NECTIN2: variants seen among roughly 807,000 people sequenced by gnomAD.
NECTIN2 encodes the protein nectin cell adhesion molecule 2.
NECTIN2 carries 23 observed loss-of-function variants against 56.9 expected under a neutral mutation model. The ratio of observed to expected loss-of-function variants is 0.40; its 90% CI spans 0.29 to 0.57. The LOEUF (loss-of-function observed/expected upper bound fraction) is 0.57. Ranked by LOEUF, NECTIN2 falls within the 20% of genes least tolerant of loss-of-function variation. NECTIN2 has a pLI of 0.38. For synonymous variants in NECTIN2, 302 were observed against 313.8 expected (o/e 0.96, Z 0.40); for missense variants, 587 against 718.3 (o/e 0.82, Z 2.09).
At chr19:44,854,784 G>T (rs917937077) in intron 1 of NECTIN2, among the ~76,000 whole-genome samples, 1 of 151,928 alleles carries the variant, frequency 6.6e-6, no homozygotes, top group Non-Finnish European at 1.5e-5. Context: ...CTGCACTCCA[G>T]CCCGGGCAAC....
intron 6 of NECTIN2, among the ~76,000 whole-genome samples, chr19:44,883,848 G>A (rs552788733): frequency 4.3e-4 from 65 of 152,072 alleles, no homozygotes; most frequent in African/African-American, 1.3e-3. Flanking sequence ...GACTGGGCAC[G>A]GTGCCTCACA....
At chr19:44,852,772 G>T (rs908829527) in intron 1 of NECTIN2, among the ~76,000 whole-genome samples, 24 of 152,042 alleles carry the variant, frequency 1.6e-4, no homozygotes, top group African/African-American at 5.8e-4. Context: ...CTGATAGATT[G>T]CTTATGAGGT....
intron 1 of NECTIN2, among the ~76,000 whole-genome samples, chr19:44,863,212 AT>A (rs1969054888): frequency 6.6e-6 from 1 of 150,842 alleles, no homozygotes; most frequent in Non-Finnish European, 1.5e-5. Context: ...GTGCATGCCT[AT>A]AATCCCAGCA....
intron 1 of NECTIN2, among the ~76,000 whole-genome samples, chr19:44,850,888 C>G (rs1416057866): frequency 6.6e-6 from 1 of 152,178 alleles, no homozygotes; most frequent in Non-Finnish European, 1.5e-5. Flanking sequence ...CTTCTCTAGT[C>G]CCGACGTGCC....
intron 6 of NECTIN2, among the ~76,000 whole-genome samples, chr19:44,883,049 G>C (rs773559672): frequency 6.6e-6 from 1 of 152,062 alleles, no homozygotes; most frequent in Non-Finnish European, 1.5e-5. Context: ...CAAAAGTGCT[G>C]GGATTACAGG....
At position 44,846,625 on chromosome 19, in the gene NECTIN2, G is replaced by A; in HGVS notation, c.88+12G>A. ...GCTCCTGGAAACCGGTGAGACGAGC[G>A]GACGGCCCCCTGCCCTCGCGCGGAC... is the stretch of plus-strand genomic sequence containing the variant. On this transcript the variant is annotated intron_variant, in intron 1 of 8. Transcript: ENST00000252483. 1 of 1,523,696 alleles carries A rather than the reference G, an allele frequency of 6.6e-7. No individual in the cohort carries two copies. Among genetic ancestry groups the A allele is most frequent in the Admixed American group, 2.0e-5 (1 of 50,470 alleles). 94.4% of individuals were successfully genotyped at this position (1,523,696 alleles called of 1,614,324 possible). A position where few individuals can be genotyped will look rare whatever the true frequency, so the allele number is the denominator to read the frequency against.
chr19:44,888,270 A>G lies in NECTIN2; in HGVS notation c.1508A>G (p.Glu503Gly). 1 of 1,614,026 alleles carries G rather than the reference A, an allele frequency of 6.2e-7. No individual in the cohort carries two copies. The highest frequency in any genetic ancestry group is 1.1e-5 in the South Asian group (1 of 91,070). Reference sequence around the variant, plus strand: ...GAGGATGAGGAGGGGGAGGAGGAGGAAGAGTATCTGGACAAGATCAACCCC... The same window carrying G: ...GAGGATGAGGAGGGGGAGGAGGAGGGAGAGTATCTGGACAAGATCAACCCC... ...DLEDEEGEEE[E>G]EYLDKINPIY... The change falls in exon 9 of 9, where the codon GAA (glutamate) becomes GGA (glycine). Residue 503 changes from glutamate to glycine, a missense_variant. By Grantham distance (98) the Glu-to-Gly change is moderately conservative. Transcript: ENST00000252483.
At chr19:44,868,201 AG>A (rs1456797953) in intron 2 of NECTIN2, among the ~76,000 whole-genome samples, 2 of 148,644 alleles carry the variant, frequency 1.3e-5, no homozygotes, top group African/African-American at 5.0e-5. Context: ...CATCTCTACA[AG>A]AAAAAAAAAA....
At chr19:44,856,167 G>T (rs1968963195) in intron 1 of NECTIN2, among the ~76,000 whole-genome samples, 1 of 152,184 alleles carries the variant, frequency 6.6e-6, no homozygotes, top group Non-Finnish European at 1.5e-5. Flanking sequence ...TGAGTGTGGT[G>T]ACATATGCCT....
intron 3 of NECTIN2, among the ~76,000 whole-genome samples, chr19:44,872,881 CATT>C (rs1015973549): frequency 8.4e-5 from 12 of 142,154 alleles, no homozygotes; most frequent in Non-Finnish European, 1.2e-4. Context: ...TATATTTTGT[CATT>C]ATTTATTATT....
intron 6 of NECTIN2, 131 bp downstream of exon 6, chr19:44,882,495 C>G (rs1969318763): frequency 1.2e-6 from 1 of 849,808 alleles, no homozygotes; most frequent in African/African-American, 1.8e-5. Flanking sequence ...GAACTGGGGT[C>G]TAAATGGAGT....
intron 1 of NECTIN2, among the ~76,000 whole-genome samples, chr19:44,863,076 T>C (rs1225087306): frequency 6.6e-6 from 1 of 150,846 alleles, no homozygotes; most frequent in Non-Finnish European, 1.5e-5. Flanking sequence ...GCAGGAGAAT[T>C]GCTTGAAATT....
At chr19:44,856,323 A>G (rs913858716) in intron 1 of NECTIN2, among the ~76,000 whole-genome samples, 10 of 152,126 alleles carry the variant, frequency 6.6e-5, no homozygotes, top group African/African-American at 2.4e-4. Context: ...AAGACCTATT[A>G]GCCTCCTCCC....
chr19:44,863,800 C>G (rs937648162), intron 1 of NECTIN2, among the ~76,000 whole-genome samples: 1 of 149,746 alleles, frequency 6.7e-6, no homozygotes, highest in Non-Finnish European at 1.5e-5. Flanking sequence ...CAAGATTGCT[C>G]CACTGCACCC....
intron 8 of NECTIN2, among the ~76,000 whole-genome samples, chr19:44,886,978 T>C (rs971044067): frequency 2.0e-4 from 30 of 149,412 alleles, no homozygotes; most frequent in Non-Finnish European, 7.4e-5. Flanking sequence ...GCTGTGCCAC[T>C]ACACTCCAGC....
At chr19:44,856,099 G>A (rs867066684) in intron 1 of NECTIN2, among the ~76,000 whole-genome samples, 4 of 152,138 alleles carry the variant, frequency 2.6e-5, no homozygotes, top group African/African-American at 4.8e-5. Flanking sequence ...TCGGGAGTTC[G>A]AGGCCAGCCT....
intron 1 of NECTIN2, among the ~76,000 whole-genome samples, chr19:44,849,767 C>T (rs1968879376): frequency 1.3e-5 from 2 of 151,974 alleles, no homozygotes; most frequent in Admixed American, 6.6e-5. Context: ...ACAGGGAGAC[C>T]CAGACGGAGA....
intron 1 of NECTIN2, among the ~76,000 whole-genome samples, chr19:44,862,992 C>CAAAAAAAAAA (rs57740346): frequency 9.8e-5 from 12 of 122,970 alleles, no homozygotes; most frequent in East Asian, 5.1e-4. Context: ...ACTAAAAATA[C>CAAAAAAAAAA]AAAAAAAAAA....
At chr19:44,866,284 G>T (rs1969101070) in intron 2 of NECTIN2, among the ~76,000 whole-genome samples, 1 of 151,916 alleles carries the variant, frequency 6.6e-6, no homozygotes, top group African/African-American at 2.4e-5. Flanking sequence ...GCGCAGATGT[G>T]GTCCCAGCTA....
Sources: allele counts gnomAD v4.1 joint callset (sites outside exome capture counted in the v4.1 genomes callset), GRCh38; gene constraint gnomAD v4.1.1; transcripts MANE v1.5; gene names NCBI Gene and HGNC (gene_info 2026-07-23, HGNC 2026-07-21).